P2RX6: variants seen among roughly 807,000 people sequenced by gnomAD.
P2RX6 encodes the protein P2X purinoceptor 6.
Under a neutral mutation model 54.2 loss-of-function variants are expected in P2RX6, and 62 were observed. The ratio of observed to expected loss-of-function variants is 1.14; its 90% CI spans 0.93 to 1.41. The LOEUF (loss-of-function observed/expected upper bound fraction) is 1.41. Among genes scored for constraint, P2RX6 ranks in the 40% most tolerant of loss-of-function variants. The probability of loss-of-function intolerance (pLI) is 0.00; values close to 1 mark genes in which losing one functional copy is unlikely to be tolerated. For missense variants in P2RX6, 541 were observed against 566.3 expected, an observed-to-expected ratio of 0.96 and a Z score of 0.45; for synonymous variants, 211 against 231.9, an observed-to-expected ratio of 0.91 and a Z score of 0.82.
chr22:21,025,742 C>A, intron 8 of P2RX6, 63 bp from the exon 9 acceptor site: 1 of 1,277,138 alleles, frequency 7.8e-7, no homozygotes, highest in Non-Finnish European at 1.1e-6. Flanking sequence ...AGAGGTCTGG[C>A]AGGGCCAGCC....
At chr22:21,018,630 T>C (rs558281821) in intron 3 of P2RX6, 1 of 158,232 alleles carries the variant, frequency 6.3e-6, no homozygotes, top group East Asian at 1.8e-4. Context: ...TGTTTTATTT[T>C]TGAGACGGAG....
chr22:21,012,755 C>A, upstream of P2RX6: 1 of 301,324 alleles, frequency 3.3e-6, no homozygotes. Context: ...ACCCCCCTTT[C>A]CACCTGCTTA....
rs544541065 is a variant in P2RX6 at position 21,026,117 on chromosome 22, T to C, written c.1050+41T>C. 5.0e-5 allele frequency: 79 copies of C among 1,582,070 alleles called. No homozygotes were observed. The highest frequency in any genetic ancestry group is 1.1e-4 in the Admixed American group (6 of 56,234). On this transcript the variant is annotated intron_variant, in intron 10 of 11. Coordinates refer to ENST00000413302, the MANE Select transcript of P2RX6 (RefSeq NM_005446.5). The surrounding 1 kb of genome is among the most constrained non-coding windows in gnomAD (Gnocchi z 4.0). The stretch of plus-strand genomic sequence containing the variant: ...GTGGGCACCTGCAGGCTGCAGTGAG[T>C]GCTGCTGACCAGGGTGTGTCCAATG...
In P2RX6 at chr22:21,023,635, C is replaced by A; in HGVS notation, c.890+17C>A. ...CAACTTCAGGTGAGGCCCCACTGCTCCCAGTGCCCAGCTGCTGGGCCCATC... is the reference window on the plus strand; with the variant it reads ...CAACTTCAGGTGAGGCCCCACTGCTACCAGTGCCCAGCTGCTGGGCCCATC... On this transcript the variant is annotated intron_variant, in intron 8 of 11. Transcript: ENST00000413302. 1 of 1,541,752 alleles carries A rather than the reference C, an allele frequency of 6.5e-7. No homozygotes were observed. The highest frequency in any genetic ancestry group is 2.3e-5 in the East Asian group (1 of 43,006).
Position 21,026,500 on chromosome 22 carries a change from C to CA in P2RX6, c.1210dup (p.Arg404LysfsTer28). 1 of 1,597,286 alleles carries CA rather than the reference C, an allele frequency of 6.3e-7. No individual in the cohort carries two copies. The highest frequency in any genetic ancestry group is 1.3e-5 in the African/African-American group (1 of 74,624). ...CCCAAGCCCGACTGGCCGAGTGCCT[C>CA]AGACGGAGCTCAGCACCTGCACCCA... On this transcript the variant is annotated frameshift_variant, in exon 12 of 12. Transcript: ENST00000413302. LOFTEE classifies it high-confidence loss of function. This position sits in a 1 kb window ranked among gnomAD's most constrained non-coding sequence, Gnocchi z 4.0.
upstream of P2RX6, chr22:21,010,189 C>T (rs191039610): frequency 8.5e-5 from 13 of 152,372 alleles, 1 homozygote; most frequent in South Asian, 2.3e-3. Flanking sequence ...CTGGGCCTGT[C>T]GATTTCCAGT....
At chr22:21,023,641 G>A (rs777040352) in intron 8 of P2RX6, 23 bp downstream of exon 8, 13 of 1,530,820 alleles carry the variant, frequency 8.5e-6, no homozygotes, top group South Asian at 1.2e-5. Context: ...TGCTCCCAGT[G>A]CCCAGCTGCT....
At chr22:21,011,178 C>G (rs1173135038), upstream of P2RX6, among the ~76,000 whole-genome samples, 2 of 149,854 alleles carry the variant, frequency 1.3e-5, no homozygotes, top group Non-Finnish European at 3.0e-5. Flanking sequence ...CCAGCACATA[C>G]AGCAGCGCGC....
chr22:21,023,024 C>T lies in P2RX6; in HGVS notation c.546C>T (p.Gly182=), dbSNP rs371893986. Residue 182 remains glycine, a synonymous_variant, in exon 5 of 12, where the codon GGC becomes GGT. Coordinates refer to ENST00000413302, the MANE Select transcript of P2RX6 (RefSeq NM_005446.5). ...GGAGTTGGTGCCCCGTGGAGAGTGG[C>T]GTTGTGCCCTCGTAAGTGTCCCCAC... ...EIWSWCPVES[G]VVPSRPLLAQ... is the part of the protein sequence containing the mutation. 4.5e-5 allele frequency: 72 copies of T among 1,613,110 alleles called. No individual in the cohort carries two copies. The highest frequency in any genetic ancestry group is 5.2e-5 in the Non-Finnish European group (61 of 1,179,288).
At chr22:21,018,349 C>T in intron 3 of P2RX6, 1 of 418,210 alleles carries the variant, frequency 2.4e-6, no homozygotes, top group Non-Finnish European at 4.5e-6. Context: ...ACCCCGAGCT[C>T]TGGGCAGCAG....
At position 21,026,261 on chromosome 22, in the gene P2RX6, T is replaced by C. The variant is rs1467376467; in HGVS notation, c.1060T>C (p.Phe354Leu). The C allele has an allele frequency of 1.3e-6, 2 of 1,599,188 alleles. No homozygotes were observed. The highest frequency in any genetic ancestry group is 2.3e-5 in the South Asian group (2 of 88,210). ...GCCCTGCCTCTCCCAGGTCACCTTT[T>C]TCTGTGACCTGCTACTGCTGTATGT... ...GAAWLGVVTFFCDLLLLYVDR... is the reference protein window; with the variant it reads ...GAAWLGVVTFLCDLLLLYVDR... Residue 354 changes from phenylalanine to leucine, a missense_variant, in exon 11 of 12, where the codon TTC becomes CTC. Physicochemically the swap from Phe to Leu is conservative, Grantham distance 22. Coordinates refer to ENST00000413302, the MANE Select transcript of P2RX6 (RefSeq NM_005446.5). This position sits in a 1 kb window ranked among gnomAD's most constrained non-coding sequence, Gnocchi z 4.0.
chr22:21,013,103 C>T, upstream of P2RX6: 1 of 163,208 alleles, frequency 6.1e-6, no homozygotes. Flanking sequence ...GCACAGAAAG[C>T]AGAAGATGGG....
upstream of P2RX6, chr22:21,015,146 A>G (rs1926103083): frequency 7.1e-7 from 1 of 1,404,276 alleles, no homozygotes; most frequent in Non-Finnish European, 9.5e-7. Flanking sequence ...CCTCCTGTTC[A>G]GCTGCGGCTG....
At chr22:21,023,660 C>T (rs202198447) in intron 8 of P2RX6, 42 bp downstream of exon 8, 30 of 1,430,728 alleles carry the variant, frequency 2.1e-5, no homozygotes, top group East Asian at 4.8e-5. Context: ...CTGGGCCCAT[C>T]GCCCTCTCAC....
intron 3 of P2RX6, among the ~76,000 whole-genome samples, chr22:21,021,947 C>T (rs1927474294): frequency 1.3e-5 from 2 of 152,160 alleles, no homozygotes; most frequent in African/African-American, 4.8e-5. Context: ...TCAGCTATGT[C>T]CCCATGCCGG....
chr22:21,021,073 G>C (rs917622890), intron 3 of P2RX6, among the ~76,000 whole-genome samples: 2 of 152,122 alleles, frequency 1.3e-5, no homozygotes, highest in African/African-American at 4.8e-5. Context: ...GGTAGTTCAG[G>C]ATTTCAGGGG....
upstream of P2RX6, among the ~76,000 whole-genome samples, chr22:21,012,855 C>A (rs1925824522): frequency 1.3e-5 from 2 of 151,972 alleles, no homozygotes; most frequent in Non-Finnish European, 2.9e-5. Context: ...AGCCTGAAGG[C>A]TCCCCAACCC....
At chr22:21,012,836 C>T (rs143346406), upstream of P2RX6, among the ~76,000 whole-genome samples, 11 of 152,072 alleles carry the variant, frequency 7.2e-5, no homozygotes, top group Non-Finnish European at 1.3e-4. Flanking sequence ...GAGCCCCCAG[C>T]GGGTTAGAAG....
At chr22:21,016,231 A>C (rs1926365718) in intron 2 of P2RX6, 139 bp downstream of exon 2, 2 of 891,766 alleles carry the variant, frequency 2.2e-6, no homozygotes, top group Admixed American at 5.2e-5. Flanking sequence ...AGGGCTTCAC[A>C]GAGGAGTGGC....
Sources: allele counts gnomAD v4.1 joint callset (sites outside exome capture counted in the v4.1 genomes callset), GRCh38; gene constraint gnomAD v4.1.1; non-coding constraint Gnocchi (gnomAD v3.1); transcripts MANE v1.5; gene names NCBI Gene and HGNC (gene_info 2026-07-23, HGNC 2026-07-21).